TRAPPC9: variants seen among roughly 807,000 people sequenced by gnomAD.
TRAPPC9 encodes the protein IKK2 binding protein.
In TRAPPC9, 83 loss-of-function variants were observed where a neutral mutation model predicts 124.0. The observed-to-expected ratio is 0.67, with a 90% CI of 0.56 to 0.80. TRAPPC9 has a LOEUF of 0.80. Among genes scored for constraint, TRAPPC9 ranks in the 30% least tolerant of loss-of-function variants. The pLI is 0.00. For missense variants in TRAPPC9, 1,302 were observed against 1,508.3 expected, an observed-to-expected ratio of 0.86 and a Z score of 2.27; for synonymous variants, 638 against 617.5, an observed-to-expected ratio of 1.03 and a Z score of -0.49.
chr8:140,432,007 A>G (rs974255686), intron 4 of TRAPPC9, among the ~76,000 whole-genome samples: 2 of 152,232 alleles, frequency 1.3e-5, no homozygotes, highest in Non-Finnish European at 2.9e-5. Context: ...AAAAATAACT[A>G]GAATACTTTT....
chr8:139,976,768 G>A (rs6991623), intron 19 of TRAPPC9, among the ~76,000 whole-genome samples: 19,869 of 152,184 alleles, frequency 0.13, 1,735 homozygotes, highest in East Asian at 0.41. Context: ...CTGCCATCCC[G>A]GTGCCCTTCG....
chr8:139,828,100 G>A lies in TRAPPC9; in HGVS notation c.3055+57779C>T, dbSNP rs566488898. 4.9e-5 allele frequency among the ~76,000 whole-genome samples: 7 copies of A among 143,754 alleles called. No homozygotes were observed. The South Asian group carries it at 1.6e-3, about 33-fold the overall frequency. The allele number at this position is 143,754 out of a possible 152,430, so 94.3% of individuals were successfully genotyped here. ...ATTCCATTTTAGCATGAGACTTGGA[G>A]GGGACACACACACACACATCCCAAC... On this transcript the variant is annotated intron_variant, in intron 21 of 22. Transcript: ENST00000438773.
chr8:140,203,304 C>T (rs1057394209), intron 17 of TRAPPC9, among the ~76,000 whole-genome samples: 1 of 152,238 alleles, frequency 6.6e-6, no homozygotes, highest in South Asian at 2.1e-4. Context: ...GAGTGATATA[C>T]ACTCTGGCTT....
intron 19 of TRAPPC9, among the ~76,000 whole-genome samples, chr8:139,974,601 T>C (rs897012717): frequency 2.0e-5 from 3 of 152,060 alleles, no homozygotes; most frequent in Non-Finnish European, 4.4e-5. Flanking sequence ...TTGAGGTCAA[T>C]GTTTTCTCCA....
At chr8:139,935,643 G>C (rs1242280049) in intron 19 of TRAPPC9, among the ~76,000 whole-genome samples, 1 of 139,464 alleles carries the variant, frequency 7.2e-6, no homozygotes, top group Non-Finnish European at 1.5e-5. Flanking sequence ...GCATCTCTTA[G>C]TTAAAATATG....
rs145448076 is a variant in TRAPPC9, at chr8:139,737,718, C to T, written c.3056-5516G>A. 5.2e-3 allele frequency among the ~76,000 whole-genome samples: 797 copies of T among 152,278 alleles called. 10 individuals are homozygous for T. The highest frequency in any genetic ancestry group is 0.017 in the African/African-American group (719 of 41,556). On this transcript the variant is annotated intron_variant, in intron 21 of 22. Transcript: ENST00000438773. ...CCCAGGCTCCTGATTGGCTGGAGAA[C>T]GGACTGTCTTGGGTTTGAGTTACTT...
rs1174045261 is a variant in TRAPPC9, at chr8:140,451,195, T to A, written c.179A>T (p.His60Leu). Residue 60 changes from histidine to leucine, a missense_variant, in exon 2 of 23, where the codon CAC becomes CTC. Physicochemically the swap from His to Leu is moderately conservative, Grantham distance 99 (BLOSUM62 -3). This residue lies in a region of TRAPPC9 where 657 missense variants were observed against 811.2 expected (regional missense o/e 0.81). Coordinates refer to ENST00000438773, the MANE Select transcript of TRAPPC9 (RefSeq NM_001160372.4). ...QRVLYIRYRH[H>L]YPPENNEWGD... is the part of the protein sequence containing the mutation. Reference sequence around the variant, plus strand: ...CCACTCGTTGTTCTCGGGTGGGTAGTGGTGCCTGTAGCGGATGTAGAGGAC... The same window carrying A: ...CCACTCGTTGTTCTCGGGTGGGTAGAGGTGCCTGTAGCGGATGTAGAGGAC... 6.2e-7 allele frequency: 1 copy of A among 1,614,108 alleles called. No individual in the cohort carries two copies. The highest frequency in any genetic ancestry group is 1.1e-5 in the South Asian group (1 of 91,082).
chr8:140,272,046 G>A (rs1427403442), intron 15 of TRAPPC9, among the ~76,000 whole-genome samples: 6 of 143,798 alleles, frequency 4.2e-5, no homozygotes, highest in African/African-American at 1.6e-4. Context: ...GGTGGTGGTT[G>A]TGGTGGTTAT....
chr8:139,804,726 A>AGCACCAC (rs1491101195), intron 21 of TRAPPC9, among the ~76,000 whole-genome samples: 1 of 88,738 alleles, frequency 1.1e-5, no homozygotes, highest in East Asian at 3.2e-4. Context: ...ACCGGCACCA[A>AGCACCAC]GCACCACCAC....
At chr8:140,310,522 G>C (rs947091843) in intron 10 of TRAPPC9, among the ~76,000 whole-genome samples, 1 of 152,160 alleles carries the variant, frequency 6.6e-6, no homozygotes, top group African/African-American at 2.4e-5. Context: ...CCTAAGCCTT[G>C]AGTGGTGAAG....
intron 16 of TRAPPC9, among the ~76,000 whole-genome samples, chr8:140,234,067 A>C (rs1446720449): frequency 6.6e-6 from 1 of 152,202 alleles, no homozygotes. Flanking sequence ...AGTCATTGAG[A>C]TCAGGGGTCC....
At chr8:140,208,519 G>C (rs1014634639) in intron 17 of TRAPPC9, among the ~76,000 whole-genome samples, 1 of 152,206 alleles carries the variant, frequency 6.6e-6, no homozygotes, top group Non-Finnish European at 1.5e-5. Context: ...TGCTGATTCT[G>C]GTTAACGCAG....
intron 17 of TRAPPC9, among the ~76,000 whole-genome samples, chr8:140,083,149 T>C (rs1202839233): frequency 2.6e-5 from 4 of 152,076 alleles, no homozygotes; most frequent in South Asian, 2.1e-4. Flanking sequence ...GCTGAGATCG[T>C]GCCACTGCAC....
At chr8:140,319,263 C>T (rs1020934855) in intron 9 of TRAPPC9, among the ~76,000 whole-genome samples, 2 of 149,776 alleles carry the variant, frequency 1.3e-5, no homozygotes, top group Admixed American at 6.7e-5. Flanking sequence ...GCAAGCTCCG[C>T]CTCCCGGGTT....
At chr8:140,157,147 T>TTTTCCATTCAGAAGCCTCCC (rs2061660760) in intron 17 of TRAPPC9, among the ~76,000 whole-genome samples, 1 of 56,512 alleles carries the variant, frequency 1.8e-5, no homozygotes. Flanking sequence ...GAAGCCTCCC[T>TTTTCCATTCAGAAGCCTCCC]TTTCCATTCA....
chr8:140,012,695 C>G (rs919241338), intron 18 of TRAPPC9, among the ~76,000 whole-genome samples: 1 of 152,198 alleles, frequency 6.6e-6, no homozygotes, highest in African/African-American at 2.4e-5. Flanking sequence ...CAGCCACGAA[C>G]AACACCAAGC....
chr8:140,277,075 G>A (rs547107890), intron 14 of TRAPPC9, among the ~76,000 whole-genome samples: 3 of 152,252 alleles, frequency 2.0e-5, no homozygotes, highest in South Asian at 2.1e-4. Context: ...GATCGGAGTC[G>A]GATCTGCTTC....
intron 16 of TRAPPC9, among the ~76,000 whole-genome samples, chr8:140,228,225 AAGGCAACAGG>A (rs1325379687): frequency 1.1e-4 from 17 of 152,214 alleles, no homozygotes; most frequent in Non-Finnish European, 1.3e-4. Context: ...TACATTAACA[AAGGCAACAGG>A]AGGCAACAAT....
At chr8:139,930,778 T>C (rs1833092687) in intron 19 of TRAPPC9, among the ~76,000 whole-genome samples, 1 of 152,206 alleles carries the variant, frequency 6.6e-6, no homozygotes, top group African/African-American at 2.4e-5. Context: ...GTCTCATAGA[T>C]GAGACCCTCT....
Sources: gnomAD v4.1 joint callset for allele counts (sites outside exome capture counted in the v4.1 genomes callset) on GRCh38, gnomAD v4.1.1 for gene constraint, gnomAD v4.1.1 regional missense constraint, MANE v1.5 for transcripts, NCBI Gene and HGNC (gene_info 2026-07-23, HGNC 2026-07-21) for gene names.